SPINK2: variants seen among roughly 807,000 people sequenced by gnomAD.
The protein encoded by SPINK2 is serine protease inhibitor Kazal-type 2.
In SPINK2, 8 loss-of-function variants were observed where a neutral mutation model predicts 13.5. The observed-to-expected ratio is 0.59, with a 90% CI of 0.35 to 1.07. The LOEUF (loss-of-function observed/expected upper bound fraction) is 1.07, where lower values mean the gene tolerates loss of function less well. Ranked by LOEUF, SPINK2 falls within the 50% of genes least tolerant of loss-of-function variation. SPINK2 has a pLI of 0.02. For missense variants in SPINK2, 148 were observed against 180.3 expected, an observed-to-expected ratio of 0.82 and a Z score of 1.03; for synonymous variants, 76 against 74.7, an observed-to-expected ratio of 1.02 and a Z score of -0.09.
At chr4:56,819,739 C>T (rs553293013) in intron 2 of SPINK2, among the ~76,000 whole-genome samples, 3 of 152,024 alleles carry the variant, frequency 2.0e-5, no homozygotes, top group Non-Finnish European at 4.4e-5. Context: ...CCTCAGCCTT[C>T]CCAGTAGGTG....
chr4:56,821,637 G>A lies in SPINK2; in HGVS notation c.26C>T (p.Ala9Val), dbSNP rs760193222. Residue 9 changes from alanine to valine, a missense_variant, in exon 1 of 4, where the codon GCG becomes GTG. Transcript: ENST00000506738. MALSVLRL[A>V]LLLLAVTFAG... ...GAAGGTAACTGCCAGGAGCAGCAGC[G>A]CCAAGCGCAGCACCGACAGCGCCAT... 2 of 1,546,886 alleles carry A rather than the reference G, an allele frequency of 1.3e-6. No individual in the cohort carries two copies. The highest frequency in any genetic ancestry group is 8.7e-7 in the Non-Finnish European group (1 of 1,147,074).
intron 2 of SPINK2, among the ~76,000 whole-genome samples, chr4:56,818,036 T>C (rs939044608): frequency 6.6e-6 from 1 of 152,054 alleles, no homozygotes; most frequent in African/African-American, 2.4e-5. Context: ...TAGAGACTAA[T>C]TGAAGCAGCA....
Position 56,818,975 on chromosome 4 carries a change from G to A in SPINK2, c.249+1561C>T, listed in dbSNP as rs78215777. 7.3e-3 allele frequency among the ~76,000 whole-genome samples: 1,111 copies of A among 152,278 alleles called. 22 individuals are homozygous for A. Among genetic ancestry groups the A allele is most frequent in the African/African-American group, 0.024 (1,015 of 41,554 alleles). ...ACAGGCAATTACAACCTAATGTTGT[G>A]ACAGGGTAGAGAAAAGCACTGGATC... On this transcript the variant is annotated intron_variant, in intron 2 of 3. Coordinates refer to ENST00000506738, the MANE Select transcript of SPINK2 (RefSeq NM_001271718.2).
At chr4:56,817,574 G>A (rs1418118859) in intron 2 of SPINK2, among the ~76,000 whole-genome samples, 1 of 152,142 alleles carries the variant, frequency 6.6e-6, no homozygotes, top group Non-Finnish European at 1.5e-5. Context: ...AATCAGGCCG[G>A]GTGCGGTGGT....
rs1052751955 is a variant in SPINK2 at position 56,819,910 on chromosome 4, C to T, written c.249+626G>A. On this transcript the variant is annotated intron_variant, in intron 2 of 3. Transcript: ENST00000506738. Reference sequence around the variant, plus strand: ...GATTACAGGCGTGAGTCACTGCGCCCAGCTGCAAAATGGTTAGGATTTGAT... The same window carrying T: ...GATTACAGGCGTGAGTCACTGCGCCTAGCTGCAAAATGGTTAGGATTTGAT... 1.3e-4 allele frequency among the ~76,000 whole-genome samples: 20 copies of T among 152,138 alleles called. No individual in the cohort carries two copies. In the East Asian group the frequency reaches 3.7e-3, roughly 28 times the overall value.
chr4:56,819,217 G>C (rs1717715646), intron 2 of SPINK2, among the ~76,000 whole-genome samples: 1 of 152,206 alleles, frequency 6.6e-6, no homozygotes. Flanking sequence ...TAAGCACAGA[G>C]AAAGTGTGTG....
In SPINK2 at chr4:56,815,762, T is replaced by TCACACACACACACA. The variant is rs140055216; in HGVS notation, c.250-3982_250-3969dup. On this transcript the variant is annotated intron_variant, in intron 2 of 3. Coordinates refer to ENST00000506738, the MANE Select transcript of SPINK2 (RefSeq NM_001271718.2). Reference sequence around the variant, plus strand: ...TGTTATATAGAAATTCCTAAGAAATTCACACACACACACACACACACACAC... The same window carrying TCACACACACACACA: ...TGTTATATAGAAATTCCTAAGAAATTCACACACACACACACACACACACACACACACACACACAC... Among the ~76,000 whole-genome samples, 193 of 143,066 alleles carry TCACACACACACACA rather than the reference T, an allele frequency of 1.3e-3. 1 individual carries two copies. The highest frequency in any genetic ancestry group is 2.2e-3 in the South Asian group (10 of 4,500). 93.9% of individuals were successfully genotyped at this position (143,066 alleles called of 152,430 possible).
In SPINK2 at chr4:56,821,629, G is replaced by A; in HGVS notation, c.34C>T (p.Leu12Phe). ...ALSVLRLALLLLAVTFAGSAR... is the reference protein window; with the variant it reads ...ALSVLRLALLFLAVTFAGSAR... ...CTACCTGCGAAGGTAACTGCCAGGA[G>A]CAGCAGCGCCAAGCGCAGCACCGAC... Residue 12 changes from leucine to phenylalanine, a missense_variant, in exon 1 of 4, where the codon CTC becomes TTC. Leu to Phe is a conservative substitution (Grantham distance 22). Coordinates refer to ENST00000506738, the MANE Select transcript of SPINK2 (RefSeq NM_001271718.2). 1.3e-6 allele frequency: 2 copies of A among 1,548,740 alleles called. No homozygotes were observed. Among genetic ancestry groups the A allele is most frequent in the African/African-American group, 1.4e-5 (1 of 72,978 alleles).
At chr4:56,821,765 G>GGGAAGGGGCGGGGGAAGGGGCGGAGC, upstream of SPINK2, 1 of 1,218,518 alleles carries the variant, frequency 8.2e-7, no homozygotes, top group Non-Finnish European at 1.1e-6. Flanking sequence ...GAAGGGGCGG[G>GGGAAGGGGCGGGGGAAGGGGCGGAGC]GCGAGAATGG....
chr4:56,811,179 C>A (rs11724060), intron 3 of SPINK2, among the ~76,000 whole-genome samples: 11,212 of 152,226 alleles, frequency 0.074, 562 homozygotes, highest in Non-Finnish European at 0.11. Context: ...AATCACACAT[C>A]TCATTGTTTA....
At chr4:56,817,853 C>CAAA (rs74266184) in intron 2 of SPINK2, among the ~76,000 whole-genome samples, 1 of 76,314 alleles carries the variant, frequency 1.3e-5, no homozygotes. Context: ...AACTCCATCT[C>CAAA]AAAAAAAAAA....
chr4:56,819,203 T>C (rs1198518700), intron 2 of SPINK2, among the ~76,000 whole-genome samples: 1 of 152,164 alleles, frequency 6.6e-6, no homozygotes, highest in Non-Finnish European at 1.5e-5. Context: ...TGATGCAGTA[T>C]AGGTAAGCAC....
rs57162077 is a variant in SPINK2, at chr4:56,812,563, C to CAAAAAAAAAAAA, written c.250-781_250-770dup. Among the ~76,000 whole-genome samples the CAAAAAAAAAAAA allele has an allele frequency of 4.9e-4, 8 of 16,370 alleles. 1 individual carries two copies. The highest frequency in any genetic ancestry group is 9.7e-3 in the South Asian group (2 of 206). The allele number at this position is 16,370 out of a possible 152,430, so 10.7% of individuals were successfully genotyped here. On this transcript the variant is annotated intron_variant, in intron 2 of 3. Coordinates refer to ENST00000506738, the MANE Select transcript of SPINK2 (RefSeq NM_001271718.2). Reference sequence around the variant, plus strand: ...GGGCAACGAGAACGAAACTCCATCTCAAAAAAAAAAAAAAAAAAAAAAAAA... The same window carrying CAAAAAAAAAAAA: ...GGGCAACGAGAACGAAACTCCATCTCAAAAAAAAAAAAAAAAAAAAAAAAAAAAAAAAAAAAA...
At chr4:56,820,620 A>C (rs372456716) in intron 1 of SPINK2, 41 bp from the exon 2 acceptor site, 85 of 1,513,376 alleles carry the variant, frequency 5.6e-5, no homozygotes, top group Middle Eastern at 2.2e-4. Flanking sequence ...TATAGGATCA[A>C]GGTAAGGTAT....
Position 56,810,192 on chromosome 4 carries a change from T to C in SPINK2, c.360-8A>G. The C allele has an allele frequency of 1.2e-6, 2 of 1,604,822 alleles. No homozygotes were observed. Among genetic ancestry groups the C allele is most frequent in the Non-Finnish European group, 1.7e-6 (2 of 1,174,196 alleles). ...ATATTATGACCACCTTCCCTGCAAA[T>C]TGAACAATCATAGAAATACATTTAT... On this transcript the variant is annotated splice_region_variant and splice_polypyrimidine_tract_variant and intron_variant, in intron 3 of 3. Transcript: ENST00000506738.
intron 2 of SPINK2, chr4:56,818,259 G>C (rs1717624675): frequency 1.3e-5 from 2 of 152,216 alleles, no homozygotes; most frequent in Non-Finnish European, 2.9e-5. Context: ...AAAAGGAACA[G>C]AGAAATCTGT....
chr4:56,819,388 C>T (rs1717735932), intron 2 of SPINK2, among the ~76,000 whole-genome samples: 1 of 152,030 alleles, frequency 6.6e-6, no homozygotes, highest in South Asian at 2.1e-4. Flanking sequence ...ATTGAGAGAC[C>T]AAATATACAG....
chr4:56,816,885 A>AAAAT (rs1560416044), intron 2 of SPINK2, among the ~76,000 whole-genome samples: 98 of 149,860 alleles, frequency 6.5e-4, no homozygotes, highest in African/African-American at 2.2e-3. Flanking sequence ...CTCAAAAAAA[A>AAAAT]AAAATAAAAT....
intron 2 of SPINK2, among the ~76,000 whole-genome samples, 197 bp downstream of exon 2, chr4:56,820,339 T>G (rs1370378888): frequency 2.0e-5 from 3 of 152,212 alleles, no homozygotes; most frequent in Non-Finnish European, 4.4e-5. Context: ...AAGGAAATAT[T>G]AACACAAAGA....
Sources: gnomAD v4.1 joint callset for allele counts (sites outside exome capture counted in the v4.1 genomes callset) on GRCh38, gnomAD v4.1.1 for gene constraint, MANE v1.5 for transcripts, NCBI Gene and HGNC (gene_info 2026-07-23, HGNC 2026-07-21) for gene names.